The following DENND2B variants were observed in gnomAD, a reference collection of about 807,000 sequenced individuals.
The protein encoded by DENND2B is DENN domain containing 2B, also known as DENN domain-containing protein 2B.
A neutral mutation model predicts 116.0 loss-of-function variants in DENND2B; 32 were observed. The observed-to-expected ratio is 0.28, with a 90% confidence interval of 0.21 to 0.37. DENND2B has a LOEUF of 0.37. DENND2B is among the 10% of genes least tolerant of loss of function. The pLI is 1.00. For missense variants in DENND2B, 1,276 were observed against 1,477.7 expected (o/e 0.86, Z 2.24); for synonymous variants, 588 against 583.9 (o/e 1.01, Z -0.10).
intron 4 of DENND2B, among the ~76,000 whole-genome samples, chr11:8,824,763 G>A (rs1192786617): frequency 6.7e-6 from 1 of 149,638 alleles, no homozygotes; most frequent in Admixed American, 6.7e-5. Flanking sequence ...ATCTCGGCTT[G>A]CTGCAGCCAC....
At chr11:8,899,056 T>C (rs1471556979) in intron 1 of DENND2B, among the ~76,000 whole-genome samples, 1 of 151,712 alleles carries the variant, frequency 6.6e-6, no homozygotes, top group African/African-American at 2.4e-5. Flanking sequence ...GAAAAGAAAA[T>C]AATTGAAATG....
chr11:8,764,334 T>G (rs1186892951), intron 1 of DENND2B, among the ~76,000 whole-genome samples: 1 of 152,170 alleles, frequency 6.6e-6, no homozygotes, highest in Non-Finnish European at 1.5e-5. Flanking sequence ...GGAAAACCCT[T>G]TTTTCCTCAA....
chr11:8,696,043 A>C, intron 18 of DENND2B: 1 of 266,300 alleles, frequency 3.8e-6, no homozygotes, highest in Non-Finnish European at 7.1e-6. Flanking sequence ...AACCTACGAC[A>C]GCTGGCCCAA....
Position 8,726,229 on chromosome 11 carries a change from GA to G in DENND2B, c.1341-21del. On this transcript the variant is annotated intron_variant, in intron 3 of 19. Transcript: ENST00000313726. ...GATTTTCTGTGGATAACAAGAGCAA[GA>G]GTCATTCCTGCTGAATCAGATCTCT... The G allele has an allele frequency of 6.3e-7, 1 of 1,595,288 alleles. No individual in the cohort carries two copies. Among genetic ancestry groups the G allele is most frequent in the Non-Finnish European group, 8.5e-7 (1 of 1,170,420 alleles).
At chr11:8,701,349 GGGGGGGGGGGA>G (rs201429794) in intron 14 of DENND2B, among the ~76,000 whole-genome samples, 1,820 of 59,954 alleles carry the variant, frequency 0.03, 402 homozygotes, top group African/African-American at 0.1. Flanking sequence ...GCTTCCGGGG[GGGGGGGGGGGA>G]GGGGCTACAT....
upstream of DENND2B, among the ~76,000 whole-genome samples, chr11:8,814,268 T>C (rs983442563): frequency 3.3e-4 from 1 of 3,066 alleles, no homozygotes; most frequent in African/African-American, 6.1e-4. Flanking sequence ...CTGAATCACC[T>C]TTTTTTTTTT....
At chr11:8,853,033 AG>A in intron 3 of DENND2B, among the ~76,000 whole-genome samples, 1 of 152,340 alleles carries the variant, frequency 6.6e-6, no homozygotes, top group Non-Finnish European at 1.5e-5. Context: ...TTAGATCACC[AG>A]GGCTCTGTCC....
intron 1 of DENND2B, among the ~76,000 whole-genome samples, chr11:8,806,668 A>G (rs2060886724): frequency 8.4e-6 from 1 of 119,470 alleles, no homozygotes; most frequent in African/African-American, 3.0e-5. Flanking sequence ...GCCTATGGCT[A>G]GAAATAGAGA....
At chr11:8,775,383 T>A (rs1053432425) in intron 1 of DENND2B, among the ~76,000 whole-genome samples, 1 of 152,212 alleles carries the variant, frequency 6.6e-6, no homozygotes, top group Non-Finnish European at 1.5e-5. Flanking sequence ...GAGCAGTCAG[T>A]GCTAGAACAG....
chr11:8,873,351 TG>T (rs2063811916), upstream of DENND2B, among the ~76,000 whole-genome samples: 2 of 152,230 alleles, frequency 1.3e-5, no homozygotes, highest in Admixed American at 1.3e-4. Context: ...TTGTTCTTTT[TG>T]TTGGCCAATT....
chr11:8,793,545 T>C (rs2059563836), intron 1 of DENND2B, among the ~76,000 whole-genome samples: 1 of 152,256 alleles, frequency 6.6e-6, no homozygotes, highest in African/African-American at 2.4e-5. Flanking sequence ...TGAAGAATAG[T>C]CCACAGTCTG....
intron 4 of DENND2B, among the ~76,000 whole-genome samples, chr11:8,821,640 C>T (rs559436899): frequency 1.3e-4 from 19 of 151,712 alleles, no homozygotes; most frequent in South Asian, 4.2e-4. Flanking sequence ...TGGGAGACAA[C>T]GCTAATTATG....
In DENND2B at chr11:8,694,332, G is replaced by A. The variant is rs11042042; in HGVS notation, c.3380-202C>T. 1.1e-4 allele frequency among the ~76,000 whole-genome samples: 16 copies of A among 152,250 alleles called. No individual in the cohort carries two copies. The East Asian group carries it at 1.9e-3, about 18-fold the overall frequency. The stretch of plus-strand genomic sequence containing the variant: ...GGTATTAATCACTGTGTGGTTTTAC[G>A]CAAGCCACTTAACCTCTTTGGTCTC... On this transcript the variant is annotated intron_variant, in intron 19 of 19. Coordinates refer to ENST00000313726, the MANE Select transcript of DENND2B (RefSeq NM_213618.2).
intron 1 of DENND2B, among the ~76,000 whole-genome samples, chr11:8,886,916 C>T (rs1249585719): frequency 6.6e-6 from 1 of 152,144 alleles, no homozygotes; most frequent in Non-Finnish European, 1.5e-5. Flanking sequence ...GCAACCTCCA[C>T]CTACCGGGTT....
chr11:8,720,108 A>C (rs1363335845), intron 4 of DENND2B, among the ~76,000 whole-genome samples: 1 of 152,076 alleles, frequency 6.6e-6, no homozygotes, highest in East Asian at 1.9e-4. Flanking sequence ...GGAAGGAGGG[A>C]GAGAGAGGGA....
chr11:8,851,120 G>C (rs917213946), intron 3 of DENND2B, among the ~76,000 whole-genome samples: 8 of 152,098 alleles, frequency 5.3e-5, no homozygotes, highest in African/African-American at 9.7e-5. Flanking sequence ...GCACATCATG[G>C]CAACTATAGT....
chr11:8,695,364 A>G (rs559996080), intron 19 of DENND2B, 99 bp downstream of exon 19: 1 of 1,120,088 alleles, frequency 8.9e-7, no homozygotes, highest in Non-Finnish European at 1.3e-6. Flanking sequence ...GCCCCAGTAT[A>G]ACACCTGTTG....
intron 1 of DENND2B, among the ~76,000 whole-genome samples, chr11:8,796,128 C>T (rs1442204208): frequency 6.6e-6 from 1 of 152,214 alleles, no homozygotes; most frequent in African/African-American, 2.4e-5. Context: ...GCTGATTGGG[C>T]TGACCACAGA....
Position 8,712,390 on chromosome 11 carries a change from G to T in DENND2B, c.2172+161C>A, listed in dbSNP as rs528200036. On this transcript the variant is annotated intron_variant, in intron 9 of 19. Coordinates refer to ENST00000313726, the MANE Select transcript of DENND2B (RefSeq NM_213618.2). The surrounding 1 kb of genome is among the most constrained non-coding windows in gnomAD (Gnocchi z 4.4). Reference sequence around the variant, plus strand: ...CTGGCCCAAACCCACCCCCGCTGCAGCCCTGTCTTCCCTCCTGGCTGAGAG... The same window carrying T: ...CTGGCCCAAACCCACCCCCGCTGCATCCCTGTCTTCCCTCCTGGCTGAGAG... Among the ~76,000 whole-genome samples, 10 of 152,284 alleles carry T rather than the reference G, an allele frequency of 6.6e-5. No individual in the cohort carries two copies. The East Asian group carries it at 1.9e-3, about 29-fold the overall frequency.
Sources: allele counts gnomAD v4.1 joint callset (sites outside exome capture counted in the v4.1 genomes callset), GRCh38; gene constraint gnomAD v4.1.1; non-coding constraint Gnocchi (gnomAD v3.1); transcripts MANE v1.5; gene names NCBI Gene and HGNC (gene_info 2026-07-23, HGNC 2026-07-21).